Variants in LAMA3 observed in about 807,000 individuals in gnomAD.
LAMA3 encodes laminin subunit alpha-3.
Under a neutral mutation model 402.0 loss-of-function variants are expected in LAMA3, and 281 were observed. The observed-to-expected ratio is 0.70, with a 90% CI of 0.63 to 0.77. The LOEUF (loss-of-function observed/expected upper bound fraction) is 0.77, where lower values mean the gene tolerates loss of function less well. LAMA3 is among the 30% of genes least tolerant of loss of function. LAMA3 has a pLI of 0.00. For synonymous variants in LAMA3, 1,431 were observed against 1,558.4 expected, an observed-to-expected ratio of 0.92 and a Z score of 1.93; for missense variants, 3,840 against 4,215.5, an observed-to-expected ratio of 0.91 and a Z score of 2.47.
At chr18:23,730,077 C>T (rs1212551692) in intron 2 of LAMA3, among the ~76,000 whole-genome samples, 1 of 152,138 alleles carries the variant, frequency 6.6e-6, no homozygotes, top group South Asian at 2.1e-4. Context: ...CATTAAAAAA[C>T]GAAATAAAAC....
At position 23,898,787 on chromosome 18, in the gene LAMA3, T is replaced by G; in HGVS notation, c.5663T>G (p.Ile1888Arg). The change falls in exon 45 of 75, where the codon ATA (isoleucine) becomes AGA (arginine). Residue 1888 changes from isoleucine to arginine, a missense_variant. By Grantham distance (97) the Ile-to-Arg change is moderately conservative. Transcript: ENST00000313654. ...GCCATTTCAAATCATGGATCAAAAA[T>G]AGAAGGCCTGGAAAGAGAACTGACT... is the stretch of plus-strand genomic sequence containing the variant. ...RSAISNHGSKIEGLERELTDL... is the reference protein window; with the variant it reads ...RSAISNHGSKREGLERELTDL... 2 of 1,613,180 alleles carry G rather than the reference T, an allele frequency of 1.2e-6. No homozygotes were observed. Among genetic ancestry groups the G allele is most frequent in the Non-Finnish European group, 1.7e-6 (2 of 1,179,154 alleles).
intron 38 of LAMA3, among the ~76,000 whole-genome samples, chr18:23,874,023 G>A (rs987075680): frequency 2.0e-5 from 3 of 152,124 alleles, no homozygotes; most frequent in Non-Finnish European, 4.4e-5. Context: ...TTTAGTAACT[G>A]ACAAATCCTC....
chr18:23,773,250 G>T (rs890883278), intron 8 of LAMA3, among the ~76,000 whole-genome samples: 4 of 152,256 alleles, frequency 2.6e-5, no homozygotes, highest in Admixed American at 1.3e-4. Flanking sequence ...TAAAGCCTGG[G>T]CTTGTCCAGT....
intron 18 of LAMA3, among the ~76,000 whole-genome samples, chr18:23,817,556 A>T (rs972245399): frequency 1.3e-5 from 2 of 152,126 alleles, no homozygotes; most frequent in Non-Finnish European, 2.9e-5. Context: ...TATAAAAAAA[A>T]ATACAACAAT....
chr18:23,934,049 A>AT (rs1419377999), intron 67 of LAMA3, 114 bp downstream of exon 67: 2 of 966,282 alleles, frequency 2.1e-6, no homozygotes, highest in East Asian at 4.8e-5. Context: ...ATAAAGTGGG[A>AT]TTGATGCATT....
At chr18:23,820,577 A>G (rs970016354) in intron 19 of LAMA3, among the ~76,000 whole-genome samples, 2 of 152,130 alleles carry the variant, frequency 1.3e-5, no homozygotes, top group African/African-American at 2.4e-5. Flanking sequence ...TTGGCTTTGT[A>G]TTAGAATGAG....
Position 23,689,969 on chromosome 18 carries a change from A to T in LAMA3, c.286A>T (p.Thr96Ser), listed in dbSNP as rs1281009296. The change falls in exon 1 of 75, where the codon ACC becomes TCC. Residue 96 changes from threonine (T) to serine (S), a missense_variant. Transcript: ENST00000313654. ...CCCCACCGCCCCAGGCAGCGGCCAC[A>T]CCATCCAGGTGAGGGCCTCGGAGAG... ...GGPTAPGSGH[T>S]IQGQFCDYCN... 1 of 1,500,700 alleles carries T rather than the reference A, an allele frequency of 6.7e-7. No homozygotes were observed. The highest frequency in any genetic ancestry group is 8.9e-7 in the Non-Finnish European group (1 of 1,123,974). 93.0% of individuals were successfully genotyped at this position (1,500,700 alleles called of 1,614,324 possible).
chr18:23,933,582 A>G (rs540382620), intron 66 of LAMA3, among the ~76,000 whole-genome samples, 200 bp from the exon 67 acceptor site: 2 of 152,328 alleles, frequency 1.3e-5, no homozygotes, highest in South Asian at 4.2e-4. Flanking sequence ...TATACAATAA[A>G]TCATCATTAA....
intron 68 of LAMA3, among the ~76,000 whole-genome samples, chr18:23,943,050 G>C (rs2082579465): frequency 6.6e-6 from 1 of 152,204 alleles, no homozygotes. Context: ...AGGCTTCTTT[G>C]ATGCTTAAAT....
At chr18:23,826,663 T>A (rs2063387987) in intron 21 of LAMA3, 39 bp from the exon 22 acceptor site, 1 of 1,373,946 alleles carries the variant, frequency 7.3e-7, no homozygotes, top group Non-Finnish European at 1.0e-6. Context: ...AGGGCTACCA[T>A]CAAAATGAAT....
intron 47 of LAMA3, among the ~76,000 whole-genome samples, chr18:23,900,663 C>A (rs1358304747): frequency 6.6e-6 from 1 of 152,128 alleles, no homozygotes; most frequent in Non-Finnish European, 1.5e-5. Context: ...GGTATTTATT[C>A]TTTAATAAAA....
intron 2 of LAMA3, among the ~76,000 whole-genome samples, chr18:23,726,120 C>A (rs530209698): frequency 6.6e-5 from 10 of 152,196 alleles, no homozygotes; most frequent in Non-Finnish European, 1.3e-4. Context: ...CTGGGAGCTC[C>A]CAAAGAGATG....
chr18:23,768,177 A>C (rs1209789562), intron 8 of LAMA3, among the ~76,000 whole-genome samples: 1 of 152,076 alleles, frequency 6.6e-6, no homozygotes, highest in East Asian at 1.9e-4. Flanking sequence ...AAAAAAAAAA[A>C]AACTATCAGC....
rs571273288 is a variant in LAMA3 at position 23,830,117 on chromosome 18, T to C, written c.2823+2650T>C. Reference sequence around the variant, plus strand: ...ACTTCAGTCCTGGTGCCATTTTGGGTTTTTCTTTAACTTATGTTTTATCAC... The same window carrying C: ...ACTTCAGTCCTGGTGCCATTTTGGGCTTTTCTTTAACTTATGTTTTATCAC... On this transcript the variant is annotated intron_variant, in intron 23 of 74. Coordinates refer to ENST00000313654, the MANE Select transcript of LAMA3 (RefSeq NM_198129.4). Among the ~76,000 whole-genome samples the C allele has an allele frequency of 9.3e-4, 142 of 152,226 alleles. 1 individual carries two copies. The highest frequency in any genetic ancestry group is 3.1e-3 in the African/African-American group (128 of 41,532).
chr18:23,866,025 G>T (rs1033798349), intron 36 of LAMA3, among the ~76,000 whole-genome samples: 1 of 152,218 alleles, frequency 6.6e-6, no homozygotes, highest in African/African-American at 2.4e-5. Context: ...TAGAGATGGG[G>T]TTTCACCATG....
chr18:23,884,858 G>A lies in LAMA3; in HGVS notation c.5303+5G>A, dbSNP rs528648085. The A allele has an allele frequency of 1.9e-6, 3 of 1,606,430 alleles. No homozygotes were observed. The South Asian group carries it at 3.3e-5, about 18-fold the overall frequency. ...CACAGGAACACAGTGTGAAAGGTAA[G>A]GTGGGCGCCCCTCCCGCCTCAGCCT... is the stretch of plus-strand genomic sequence containing the variant. On this transcript the variant is annotated splice_donor_5th_base_variant and intron_variant, in intron 41 of 74. Transcript: ENST00000313654.
chr18:23,916,049 AAAAAGAAAAG>A (rs59727231), intron 59 of LAMA3, among the ~76,000 whole-genome samples: 11 of 18,978 alleles, frequency 5.8e-4, no homozygotes, highest in Middle Eastern at 0.019. Context: ...AAAGAAAAAG[AAAAAGAAAAG>A]AAAAGAAAAG....
chr18:23,942,620 C>T lies in LAMA3; in HGVS notation c.9027-1168C>T, dbSNP rs1599160907. On this transcript the variant is annotated intron_variant, in intron 68 of 74. Transcript: ENST00000313654. ...TTTTAGACAGAGCCGCTGTGTCACC[C>T]AGGCTGGAGTGCAGTGGCACGATCT... 3.3e-5 allele frequency among the ~76,000 whole-genome samples: 5 copies of T among 149,596 alleles called. 1 individual carries two copies. The highest frequency in any genetic ancestry group is 1.2e-4 in the African/African-American group (5 of 40,632).
intron 41 of LAMA3, among the ~76,000 whole-genome samples, chr18:23,886,757 C>A (rs1402980519): frequency 6.6e-6 from 1 of 152,208 alleles, no homozygotes; most frequent in East Asian, 1.9e-4. Context: ...TCAAGTAAGG[C>A]ATAACCACCC....
Sources: allele counts gnomAD v4.1 joint callset (sites outside exome capture counted in the v4.1 genomes callset), GRCh38; gene constraint gnomAD v4.1.1; transcripts MANE v1.5; gene names NCBI Gene and HGNC (gene_info 2026-07-23, HGNC 2026-07-21).